The following MAGI2 variants were observed in gnomAD, a reference collection of about 807,000 sequenced individuals.
The protein encoded by MAGI2 is membrane associated guanylate kinase, WW and PDZ domain containing 2, also known as membrane-associated guanylate kinase, WW and PDZ domain-containing protein 2.
Under a neutral mutation model 133.3 loss-of-function variants are expected in MAGI2, and 35 were observed. The ratio of observed to expected loss-of-function variants is 0.26; its 90% CI spans 0.20 to 0.35. The LOEUF is 0.35. Ranked by LOEUF, MAGI2 falls within the 10% of genes least tolerant of loss-of-function variation. The pLI, the probability that MAGI2 is intolerant of heterozygous loss-of-function variation, is 1.00. For missense variants in MAGI2, 1,636 were observed against 1,863.4 expected, an observed-to-expected ratio of 0.88 and a Z score of 2.25; for synonymous variants, 729 against 710.6, an observed-to-expected ratio of 1.03 and a Z score of -0.41.
chr7:79,084,473 A>G (rs1166553083), intron 1 of MAGI2, among the ~76,000 whole-genome samples: 1 of 151,726 alleles, frequency 6.6e-6, no homozygotes, highest in Non-Finnish European at 1.5e-5. Flanking sequence ...ATTTTCCTCT[A>G]TTAATCATTT....
chr7:79,417,629 G>T (rs566528625), intron 1 of MAGI2, among the ~76,000 whole-genome samples: 47 of 152,156 alleles, frequency 3.1e-4, no homozygotes, highest in African/African-American at 1.1e-3. Context: ...TAACATATTT[G>T]CTGGCAATTA....
At chr7:78,849,798 A>G (rs1046090126) in intron 2 of MAGI2, among the ~76,000 whole-genome samples, 2 of 152,040 alleles carry the variant, frequency 1.3e-5, no homozygotes, top group Non-Finnish European at 2.9e-5. Flanking sequence ...GGAGTGGTAT[A>G]TAGACATGGT....
At chr7:78,288,256 GTAA>G (rs559055225) in intron 9 of MAGI2, among the ~76,000 whole-genome samples, 108 of 152,186 alleles carry the variant, frequency 7.1e-4, no homozygotes, top group South Asian at 1.2e-3. Context: ...ACATGACAAT[GTAA>G]TAATAAGCTA....
At chr7:79,420,796 T>C (rs1035907151) in intron 1 of MAGI2, among the ~76,000 whole-genome samples, 1 of 152,024 alleles carries the variant, frequency 6.6e-6, no homozygotes, top group Non-Finnish European at 1.5e-5. Context: ...ATCCAGAGGA[T>C]GCCAGCCTTT....
chr7:79,113,003 A>T (rs1454483206), intron 1 of MAGI2, among the ~76,000 whole-genome samples: 1 of 152,230 alleles, frequency 6.6e-6, no homozygotes, highest in Non-Finnish European at 1.5e-5. Flanking sequence ...ATTTTTAGTA[A>T]AAACTTTAAC....
intron 2 of MAGI2, among the ~76,000 whole-genome samples, chr7:78,761,386 AG>A (rs1237287969): frequency 6.6e-6 from 1 of 152,168 alleles, no homozygotes; most frequent in Non-Finnish European, 1.5e-5. Flanking sequence ...CTTCATAAAA[AG>A]GTTCTCTGTA....
At chr7:78,320,956 A>G (rs1416845283) in intron 9 of MAGI2, among the ~76,000 whole-genome samples, 1 of 152,216 alleles carries the variant, frequency 6.6e-6, no homozygotes, top group Non-Finnish European at 1.5e-5. Flanking sequence ...TGCAAAAATC[A>G]CAAGCATTCC....
chr7:78,948,440 T>C (rs1801608964), intron 2 of MAGI2, among the ~76,000 whole-genome samples: 1 of 152,088 alleles, frequency 6.6e-6, no homozygotes, highest in Non-Finnish European at 1.5e-5. Flanking sequence ...TACTCTGATA[T>C]GAAAGGTAGG....
chr7:79,304,246 T>A (rs1837616785), intron 1 of MAGI2, among the ~76,000 whole-genome samples: 1 of 146,018 alleles, frequency 6.8e-6, no homozygotes, highest in Admixed American at 6.9e-5. Flanking sequence ...TTTCTAGAGG[T>A]TAAAGCCGTT....
At chr7:78,824,463 G>A (rs1206665819) in intron 2 of MAGI2, among the ~76,000 whole-genome samples, 1 of 151,950 alleles carries the variant, frequency 6.6e-6, no homozygotes, top group Non-Finnish European at 1.5e-5. Context: ...TTTAATATTC[G>A]CCATTCTGAC....
chr7:78,580,837 C>T (rs908764561), intron 3 of MAGI2, among the ~76,000 whole-genome samples: 1 of 152,104 alleles, frequency 6.6e-6, no homozygotes, highest in Non-Finnish European at 1.5e-5. Flanking sequence ...TAAACAAAAA[C>T]ATAAAGTTCT....
intron 1 of MAGI2, among the ~76,000 whole-genome samples, chr7:79,051,850 T>C (rs949962691): frequency 6.6e-6 from 1 of 152,166 alleles, no homozygotes; most frequent in Non-Finnish European, 1.5e-5. Flanking sequence ...ATTTAAATAT[T>C]TGTTAATTTT....
In MAGI2 at chr7:79,047,228, A is replaced by G. The variant is rs549294821; in HGVS notation, c.302-40022T>C. On this transcript the variant is annotated intron_variant, in intron 1 of 21. Transcript: ENST00000354212. ...AACTATATAACATATTTTAAGTTAC[A>G]TCAATCAAACCATTAAAACATGAAA... 4.0e-5 allele frequency among the ~76,000 whole-genome samples: 6 copies of G among 151,392 alleles called. No homozygotes were observed. The South Asian group carries it at 8.3e-4, about 21-fold the overall frequency.
intron 2 of MAGI2, among the ~76,000 whole-genome samples, chr7:78,906,727 T>C (rs1798016912): frequency 6.6e-6 from 1 of 152,214 alleles, no homozygotes; most frequent in Admixed American, 6.5e-5. Context: ...AAGGATGATA[T>C]GCTATAATAA....
intron 1 of MAGI2, among the ~76,000 whole-genome samples, chr7:79,171,757 TATATA>T (rs1562961106): frequency 3.0e-5 from 1 of 33,742 alleles, no homozygotes; most frequent in East Asian, 6.7e-4. Flanking sequence ...TATATATATA[TATATA>T]TATATATATT....
intron 16 of MAGI2, among the ~76,000 whole-genome samples, chr7:78,156,715 G>A (rs1053475167): frequency 1.3e-5 from 2 of 151,400 alleles, no homozygotes; most frequent in African/African-American, 4.9e-5. Context: ...TAGCACCTGG[G>A]CTGTTAACCA....
At chr7:78,502,084 T>C (rs557661412) in intron 4 of MAGI2, among the ~76,000 whole-genome samples, 1 of 152,300 alleles carries the variant, frequency 6.6e-6, no homozygotes, top group African/African-American at 2.4e-5. Flanking sequence ...CCCCTGAAGA[T>C]ATTCATATCC....
intron 16 of MAGI2, among the ~76,000 whole-genome samples, chr7:78,146,274 A>C (rs1254544911): frequency 1.3e-5 from 2 of 151,890 alleles, no homozygotes; most frequent in African/African-American, 4.8e-5. Flanking sequence ...TTGTCTTTGA[A>C]ATATCTTGAC....
At chr7:78,615,770 A>C (rs1408041397) in intron 3 of MAGI2, 2 of 152,194 alleles carry the variant, frequency 1.3e-5, no homozygotes, top group Admixed American at 1.3e-4. Flanking sequence ...TATCGTTTAA[A>C]ACTTTTTGTT....
Sources: gnomAD v4.1 joint callset for allele counts (sites outside exome capture counted in the v4.1 genomes callset) on GRCh38, gnomAD v4.1.1 for gene constraint, MANE v1.5 for transcripts, NCBI Gene and HGNC (gene_info 2026-07-23, HGNC 2026-07-21) for gene names.